The following LVRN variants were observed in gnomAD, a reference collection of about 807,000 sequenced individuals.
LVRN encodes the protein laeverin, also known as aminopeptidase Q.
A neutral mutation model predicts 111.4 loss-of-function variants in LVRN; 99 were observed. That is an observed-to-expected ratio of 0.89 (90% CI 0.76 to 1.05). LVRN has a LOEUF of 1.05. Among genes scored for constraint, LVRN ranks in the 50% least tolerant of loss-of-function variants. LVRN has a pLI of 0.00. For synonymous variants in LVRN, 488 were observed against 449.5 expected (o/e 1.09, Z -1.08); for missense variants, 1,414 against 1,206.8 (o/e 1.17, Z -2.54).
In LVRN at chr5:116,004,006, T is replaced by C. The variant is rs183213944; in HGVS notation, c.2037+626T>C. On this transcript the variant is annotated intron_variant, in intron 12 of 19. Coordinates refer to ENST00000357872, the MANE Select transcript of LVRN (RefSeq NM_173800.5). ...TTGGCAAGTTACTTAAATGTCCTGGTTCCATTTCTTCATTTTAAAACGAGA... is the reference window on the plus strand; with the variant it reads ...TTGGCAAGTTACTTAAATGTCCTGGCTCCATTTCTTCATTTTAAAACGAGA... Among the ~76,000 whole-genome samples the C allele has an allele frequency of 9.3e-4, 141 of 152,344 alleles. 2 individuals carry two copies. The highest frequency in any genetic ancestry group is 3.4e-3 in the Middle Eastern group (1 of 294).
Position 116,000,449 on chromosome 5 carries a change from G to C in LVRN, c.1532G>C (p.Arg511Pro), listed in dbSNP as rs761417631. The change falls in exon 8 of 20, where the codon CGG becomes CCG. Residue 511 changes from arginine (R) to proline (P), a missense_variant. Coordinates refer to ENST00000357872, the MANE Select transcript of LVRN (RefSeq NM_173800.5). Reference sequence around the variant, plus strand: ...TTGTCCTAGGGAGCGTCTATGGCCCGGATGCTTTCTTGTTTCTTGAATGAG... The same window carrying C: ...TTGTCCTAGGGAGCGTCTATGGCCCCGATGCTTTCTTGTTTCTTGAATGAG... ...FTYSKGASMA[R>P]MLSCFLNEHL... The C allele has an allele frequency of 2.0e-5, 32 of 1,613,968 alleles. No homozygotes were observed. Among genetic ancestry groups the C allele is most frequent in the Non-Finnish European group, 2.6e-5 (31 of 1,180,006 alleles).
At chr5:115,981,893 G>T (rs147388819) in intron 1 of LVRN, among the ~76,000 whole-genome samples, 3,252 of 152,212 alleles carry the variant, frequency 0.021, 36 homozygotes, top group Non-Finnish European at 0.03. Flanking sequence ...ATTGGTAAAT[G>T]TAATTACCAA....
rs753977961 is a variant in LVRN at position 115,992,204 on chromosome 5, T to A, written c.1187T>A (p.Leu396Ter). Residue 396 changes from leucine to a stop codon, truncating the protein, a stop_gained, in exon 5 of 20, where the codon TTG becomes TAG. Coordinates refer to ENST00000357872, the MANE Select transcript of LVRN (RefSeq NM_173800.5). LOFTEE classifies it high-confidence loss of function. ...LMIFDESGLL[L>*]EPKDQLTEKK... ...ATATTTGATGAATCAGGATTGTTGT[T>A]GGAACCAAAAGATCAACTGACAGAA... 2.5e-6 allele frequency: 4 copies of A among 1,613,892 alleles called. No homozygotes were observed. The highest frequency in any genetic ancestry group is 3.4e-6 in the Non-Finnish European group (4 of 1,179,914).
In LVRN at chr5:115,983,288, G is replaced by T; in HGVS notation, c.697G>T (p.Ala233Ser). 2 of 1,576,980 alleles carry T rather than the reference G, an allele frequency of 1.3e-6. No individual in the cohort carries two copies. The highest frequency in any genetic ancestry group is 1.7e-6 in the Non-Finnish European group (2 of 1,167,862). ...AAATTTCCCCAAAATGTATTTCAGG[G>T]CCCTGTTAGCGTCCCAGCTGGAACC... ...NVYTDQGERR[A>S]LLASQLEPTF... The change falls in exon 2 of 20, where the codon GCC (alanine) becomes TCC (serine). Residue 233 changes from alanine to serine, a missense_variant and splice_region_variant. Physicochemically the swap from Ala to Ser is moderately conservative, Grantham distance 99. Transcript: ENST00000357872.
intron 6 of LVRN, among the ~76,000 whole-genome samples, chr5:115,997,739 A>AGATTCATATT (rs1249616311): frequency 6.6e-6 from 1 of 152,182 alleles, no homozygotes; most frequent in East Asian, 1.9e-4. Context: ...GTGAATATAC[A>AGATTCATATT]GATTCATATT....
At position 115,999,922 on chromosome 5, in the gene LVRN, T is replaced by G; in HGVS notation, c.1515+20T>G. ...AGCAAGGTAAAAGCAGTTAGAAATT[T>G]CCTTTGGTTTTGTACTCTGGTAGAA... On this transcript the variant is annotated intron_variant, in intron 7 of 19. Coordinates refer to ENST00000357872, the MANE Select transcript of LVRN (RefSeq NM_173800.5). The G allele has an allele frequency of 6.3e-7, 1 of 1,598,834 alleles. No individual in the cohort carries two copies. The highest frequency in any genetic ancestry group is 8.5e-7 in the Non-Finnish European group (1 of 1,174,914).
chr5:115,994,690 T>C (rs1748068076), intron 6 of LVRN, among the ~76,000 whole-genome samples: 1 of 152,208 alleles, frequency 6.6e-6, no homozygotes, highest in African/African-American at 2.4e-5. Flanking sequence ...GAGTAAATAA[T>C]AATATTGAAA....
intron 4 of LVRN, among the ~76,000 whole-genome samples, chr5:115,991,025 G>T (rs1243485192): frequency 2.0e-5 from 3 of 151,974 alleles, no homozygotes; most frequent in Non-Finnish European, 4.4e-5. Context: ...TGGTACACTT[G>T]TTACAATATT....
chr5:115,979,842 T>G (rs1420575264), intron 1 of LVRN, among the ~76,000 whole-genome samples: 1 of 152,200 alleles, frequency 6.6e-6, no homozygotes, highest in African/African-American at 2.4e-5. Context: ...TATTCAGCAC[T>G]TGTTAAGTAG....
chr5:116,000,504 T>C lies in LVRN; in HGVS notation c.1581+6T>C. The C allele has an allele frequency of 6.2e-7, 1 of 1,614,106 alleles. No homozygotes were observed. Among genetic ancestry groups the C allele is most frequent in the Non-Finnish European group, 8.5e-7 (1 of 1,179,946 alleles). ...TATTTGTCAGTGCACTCAAGGTGAG[T>C]TTGCAAAATAGTCGTTACCTGGATG... On this transcript the variant is annotated splice_donor_region_variant and intron_variant, in intron 8 of 19. Coordinates refer to ENST00000357872, the MANE Select transcript of LVRN (RefSeq NM_173800.5).
intron 1 of LVRN, among the ~76,000 whole-genome samples, chr5:115,982,636 C>T (rs1380204587): frequency 6.6e-6 from 1 of 152,046 alleles, no homozygotes; most frequent in East Asian, 1.9e-4. Context: ...TATTCTTGTC[C>T]CTAAGCTTTT....
chr5:115,991,609 A>G (rs868579546), intron 4 of LVRN, among the ~76,000 whole-genome samples: 30 of 152,274 alleles, frequency 2.0e-4, no homozygotes, highest in African/African-American at 6.7e-4. Context: ...TGACTGTACC[A>G]TTTTGCATCC....
At chr5:115,992,856 A>G (rs1322402138) in intron 5 of LVRN, among the ~76,000 whole-genome samples, 3 of 152,244 alleles carry the variant, frequency 2.0e-5, no homozygotes, top group Admixed American at 6.5e-5. Context: ...AGATTTTCAT[A>G]TCTGCATTTC....
chr5:115,974,920 TC>T, intron 1 of LVRN: 2 of 478,396 alleles, frequency 4.2e-6, no homozygotes, highest in Non-Finnish European at 4.2e-6. Flanking sequence ...CTGATATATT[TC>T]CAAGTATTAG....
intron 1 of LVRN, chr5:115,974,455 A>G (rs1040788718): frequency 2.6e-5 from 4 of 152,330 alleles, no homozygotes; most frequent in African/African-American, 9.6e-5. Flanking sequence ...TTGAAACTAT[A>G]TATGTTATTA....
At position 116,015,819 on chromosome 5, in the gene LVRN, A is replaced by G. The variant is rs149503387; in HGVS notation, c.2756+54A>G. On this transcript the variant is annotated intron_variant, in intron 18 of 19. Transcript: ENST00000357872. ...ATTTAGGCCACTGGTTTGGCACTGGAAGCTCAGCTTTAGTCTAGCTTGGAA... is the reference window on the plus strand; with the variant it reads ...ATTTAGGCCACTGGTTTGGCACTGGGAGCTCAGCTTTAGTCTAGCTTGGAA... 5.0e-4 allele frequency: 796 copies of G among 1,596,398 alleles called. 4 individuals are homozygous for G. The African/African-American group carries it at 9.6e-3, about 19-fold the overall frequency.
chr5:115,974,043 A>G (rs770494639), intron 1 of LVRN, among the ~76,000 whole-genome samples: 7 of 152,174 alleles, frequency 4.6e-5, no homozygotes, highest in Non-Finnish European at 8.8e-5. Flanking sequence ...TATTTTATCT[A>G]GCATTTCTGT....
intron 3 of LVRN, among the ~76,000 whole-genome samples, chr5:115,987,094 T>C (rs1007119472): frequency 1.1e-4 from 17 of 152,086 alleles, no homozygotes; most frequent in African/African-American, 4.1e-4. Flanking sequence ...GTTAAAACAA[T>C]AGGATATTAC....
At chr5:116,002,118 C>T (rs555136407) in intron 10 of LVRN, among the ~76,000 whole-genome samples, 3 of 152,212 alleles carry the variant, frequency 2.0e-5, no homozygotes, top group Middle Eastern at 3.2e-3. Flanking sequence ...TCAAAGTTTC[C>T]TTCTCCCTGT....
Sources: gnomAD v4.1 joint callset for allele counts (sites outside exome capture counted in the v4.1 genomes callset) on GRCh38, gnomAD v4.1.1 for gene constraint, MANE v1.5 for transcripts, NCBI Gene and HGNC (gene_info 2026-07-23, HGNC 2026-07-21) for gene names.